BCORL1: variants seen among roughly 807,000 people sequenced by gnomAD.
The protein encoded by BCORL1 is BCL6 corepressor like 1.
BCORL1 carries 7 observed loss-of-function variants against 87.6 expected under a neutral mutation model. The observed-to-expected ratio is 0.08, with a 90% CI of 0.05 to 0.15. The LOEUF (loss-of-function observed/expected upper bound fraction) is 0.15, where lower values mean the gene tolerates loss of function less well. BCORL1 is among the 10% of genes least tolerant of loss of function. BCORL1 has a pLI of 1.00. For synonymous variants in BCORL1, 591 were observed against 634.4 expected (o/e 0.93, Z 1.03); for missense variants, 1,215 against 1,499.7 (o/e 0.81, Z 3.13).
At chrX:130,050,912 T>C (rs1932035976) in intron 12 of BCORL1, 118 bp downstream of exon 12, 1 of 587,843 alleles carries the variant, frequency 1.7e-6, no homozygotes, top group East Asian at 3.4e-5. Context: ...AACCTGAACC[T>C]GAACCCATCC....
intron 2 of BCORL1, among the ~76,000 whole-genome samples, chrX:130,008,124 A>G (rs1569363672): frequency 9.0e-6 from 1 of 110,553 alleles, no homozygotes; most frequent in African/African-American, 3.3e-5. Context: ...GGGTTTCACC[A>G]TGTCACCCAG....
Position 129,989,302 on chromosome X carries a change from ATTTTTT to A in BCORL1, c.-45+6560_-45+6565del, listed in dbSNP as rs34124916. Among the ~76,000 whole-genome samples the A allele has an allele frequency of 9.8e-5, 7 of 71,716 alleles. No individual in the cohort carries two copies. In the South Asian group the frequency reaches 3.5e-3, roughly 36 times the overall value. 62.3% of individuals were successfully genotyped at this position (71,716 alleles called of 115,157 possible). A position where few individuals can be genotyped will look rare whatever the true frequency, so the allele number is the denominator to read the frequency against. ...AGGCGCCCGCCACCATGCCCGGCTA[ATTTTTT>A]TTTTTTTTTTTTTTTTTTTAGTAGA... On this transcript the variant is annotated intron_variant, in intron 1 of 13. Transcript: ENST00000540052.
intron 5 of BCORL1, among the ~76,000 whole-genome samples, chrX:130,022,103 G>A (rs1469862116): frequency 2.7e-5 from 3 of 110,611 alleles, no homozygotes; most frequent in Non-Finnish European, 1.9e-5. Context: ...GTTCTTAGCC[G>A]TTTTTTCTCT....
intron 13 of BCORL1, among the ~76,000 whole-genome samples, chrX:130,052,242 C>T (rs1019461336): frequency 1.2e-4 from 13 of 112,499 alleles, no homozygotes; most frequent in Non-Finnish European, 1.9e-4. Context: ...GATTCTCTCT[C>T]GGAAGGCTTT....
chrX:130,003,038 G>A (rs1030189741), intron 1 of BCORL1, among the ~76,000 whole-genome samples: 3 of 110,922 alleles, frequency 2.7e-5, no homozygotes, highest in African/African-American at 9.8e-5. Flanking sequence ...CAGAGATGAG[G>A]AGGAGGATGA....
chrX:130,024,749 G>A (rs890554030), intron 6 of BCORL1, among the ~76,000 whole-genome samples: 4 of 111,566 alleles, frequency 3.6e-5, no homozygotes, highest in South Asian at 7.5e-4. Context: ...GCACATATGC[G>A]TGAAAAATCT....
chrX:129,993,870 G>A (rs1419527026), intron 1 of BCORL1, among the ~76,000 whole-genome samples: 1 of 109,763 alleles, frequency 9.1e-6, no homozygotes, highest in African/African-American at 3.3e-5. Flanking sequence ...TCTCAGCTCT[G>A]ACCCCCCAGG....
chrX:130,013,779 C>A lies in BCORL1; in HGVS notation c.1007C>A (p.Pro336Gln), dbSNP rs1308482747. 19 of 1,172,139 alleles carry A rather than the reference C, an allele frequency of 1.6e-5. No individual in the cohort carries two copies. The highest frequency in any genetic ancestry group is 2.2e-5 in the Non-Finnish European group (19 of 876,872). Residue 336 changes from proline (P) to glutamine (Q), a missense_variant, in exon 4 of 14, where the codon CCG (proline) becomes CAG (glutamine). Transcript: ENST00000540052. ...PTLVLAPVPT[P>Q]VLAPMPASTP... Reference sequence around the variant, plus strand: ...TTGGTTCTCGCTCCCGTCCCCACTCCGGTTCTGGCTCCCATGCCAGCATCC... The same window carrying A: ...TTGGTTCTCGCTCCCGTCCCCACTCAGGTTCTGGCTCCCATGCCAGCATCC...
chrX:130,004,333 C>G (rs1402656159), intron 1 of BCORL1, among the ~76,000 whole-genome samples: 1 of 106,224 alleles, frequency 9.4e-6, no homozygotes, highest in Non-Finnish European at 1.9e-5. Flanking sequence ...CAACCTCTGC[C>G]TCTTGGGTTC....
intron 1 of BCORL1, among the ~76,000 whole-genome samples, chrX:130,003,824 C>T (rs1208798641): frequency 8.9e-6 from 1 of 112,190 alleles, no homozygotes; most frequent in Non-Finnish European, 1.9e-5. Flanking sequence ...GCTGAATCCT[C>T]AGTACCTAGG....
chrX:130,056,033 G>T lies in BCORL1; in HGVS notation c.5255G>T (p.Arg1752Ile), dbSNP rs1183934682. The change falls in exon 14 of 14, where the codon AGA becomes ATA. Residue 1752 changes from arginine (R) to isoleucine (I), a missense_variant. Around this residue, in one of 5 missense-constraint regions of BCORL1, gnomAD observed 129 missense variants for 157.5 expected, o/e 0.82. Coordinates refer to ENST00000540052, the MANE Select transcript of BCORL1 (RefSeq NM_001379451.1). Reference sequence around the variant, plus strand: ...GAGAGGCCTGGAGGCTTGGACGACAGATCCCCCCCAGGCTCCTCTGAGACT... The same window carrying T: ...GAGAGGCCTGGAGGCTTGGACGACATATCCCCCCCAGGCTCCTCTGAGACT... ...PAERPGGLDD[R>I]SPPGSSETVE... The T allele has an allele frequency of 8.3e-7, 1 of 1,210,661 alleles. No individual in the cohort carries two copies. The highest frequency in any genetic ancestry group is 1.8e-5 in the South Asian group (1 of 56,857).
chrX:129,986,570 G>A (rs1926641058), intron 1 of BCORL1, among the ~76,000 whole-genome samples: 1 of 112,170 alleles, frequency 8.9e-6, no homozygotes, highest in African/African-American at 3.2e-5. Context: ...TGTAACCCCA[G>A]CAGTTTGGGA....
At chrX:129,990,262 C>T (rs903579841) in intron 1 of BCORL1, among the ~76,000 whole-genome samples, 3 of 109,438 alleles carry the variant, frequency 2.7e-5, no homozygotes, top group Admixed American at 1.9e-4. Flanking sequence ...GATGGAGTCT[C>T]GCTCTTTTGC....
At chrX:130,003,947 C>A (rs765314404) in intron 1 of BCORL1, among the ~76,000 whole-genome samples, 1 of 111,815 alleles carries the variant, frequency 8.9e-6, no homozygotes, top group Non-Finnish European at 1.9e-5. Flanking sequence ...ACAACTATAT[C>A]TTATTGTGAT....
intron 1 of BCORL1, among the ~76,000 whole-genome samples, chrX:129,983,431 G>GC (rs1926294533): frequency 1.0e-5 from 1 of 99,798 alleles, no homozygotes; most frequent in Non-Finnish European, 2.1e-5. Context: ...TTTTTTGGGG[G>GC]GGGGGGGTGT....
chrX:130,019,427 T>C (rs1283627020), intron 4 of BCORL1, among the ~76,000 whole-genome samples: 1 of 112,850 alleles, frequency 8.9e-6, no homozygotes, highest in African/African-American at 3.2e-5. Flanking sequence ...TCTCCAGCCG[T>C]ACCTGAAGGT....
At position 130,039,270 on chromosome X, in the gene BCORL1, C is replaced by T. The variant is rs868071876; in HGVS notation, c.4828C>T (p.Arg1610Cys). 12 of 1,209,812 alleles carry T rather than the reference C, an allele frequency of 9.9e-6. No homozygotes were observed. Among genetic ancestry groups the T allele is most frequent in the African/African-American group, 1.7e-5 (1 of 57,839 alleles). Residue 1610 changes from arginine (R) to cysteine (C), a missense_variant, in exon 11 of 14, where the codon CGC (arginine) becomes TGC (cysteine). Coordinates refer to ENST00000540052, the MANE Select transcript of BCORL1 (RefSeq NM_001379451.1). ...MKLASSDTMKRFLSDHLSDLQ... is the reference protein window; with the variant it reads ...MKLASSDTMKCFLSDHLSDLQ... ...GCTGGCCAGCAGCGACACCATGAAG[C>T]GCTTTCTCAGTGGTAAGCATGGTCC...
chrX:130,039,539 G>A (rs1192117356), intron 11 of BCORL1, among the ~76,000 whole-genome samples: 2 of 113,150 alleles, frequency 1.8e-5, no homozygotes, highest in African/African-American at 6.4e-5. Flanking sequence ...GACCTATTTC[G>A]TAGCTAGGGA....
chrX:130,053,751 C>T (rs746036903), intron 13 of BCORL1, among the ~76,000 whole-genome samples: 6 of 112,131 alleles, frequency 5.4e-5, no homozygotes, highest in African/African-American at 1.9e-4. Flanking sequence ...GGGGTGCTAG[C>T]GTAGAGTGAT....
Sources: gnomAD v4.1 joint callset for allele counts (sites outside exome capture counted in the v4.1 genomes callset) on GRCh38, gnomAD v4.1.1 for gene constraint, gnomAD v4.1.1 regional missense constraint, MANE v1.5 for transcripts, NCBI Gene and HGNC (gene_info 2026-07-23, HGNC 2026-07-21) for gene names.